The following LYST variants were observed in gnomAD, a reference collection of about 807,000 sequenced individuals.
LYST encodes the protein lysosomal-trafficking regulator.
In LYST, 192 loss-of-function variants were observed where a neutral mutation model predicts 413.6. The ratio of observed to expected loss-of-function variants is 0.46; its 90% CI spans 0.41 to 0.52. LYST has a LOEUF of 0.52. LYST is among the 20% of genes least tolerant of loss of function. The probability of loss-of-function intolerance (pLI) is 0.00; values close to 1 mark genes in which losing one functional copy is unlikely to be tolerated. For missense variants in LYST, 3,815 were observed against 4,499.9 expected, an observed-to-expected ratio of 0.85 and a Z score of 4.35; for synonymous variants, 1,525 against 1,567.3, an observed-to-expected ratio of 0.97 and a Z score of 0.64.
chr1:235,842,594 T>C (rs1402086532), intron 1 of LYST, among the ~76,000 whole-genome samples: 1 of 152,224 alleles, frequency 6.6e-6, no homozygotes, highest in Non-Finnish European at 1.5e-5. Context: ...TTCTACTCAT[T>C]TGCCGAATGA....
chr1:235,837,991 G>A (rs1676750902), intron 1 of LYST, among the ~76,000 whole-genome samples: 1 of 152,098 alleles, frequency 6.6e-6, no homozygotes, highest in Non-Finnish European at 1.5e-5. Context: ...ACAATGAGTA[G>A]GCAAAACGAA....
At chr1:235,682,233 G>C (rs1045615804) in intron 48 of LYST, among the ~76,000 whole-genome samples, 3 of 152,168 alleles carry the variant, frequency 2.0e-5, no homozygotes, top group African/African-American at 7.2e-5. Context: ...GCTGAGGTGG[G>C]AGGACCACTT....
At chr1:235,870,553 A>G (rs1371735041), upstream of LYST, among the ~76,000 whole-genome samples, 1 of 152,234 alleles carries the variant, frequency 6.6e-6, no homozygotes, top group Non-Finnish European at 1.5e-5. Context: ...GTGCTCAATT[A>G]AACTTTAAAT....
At chr1:235,798,728 G>C (rs566224345) in intron 10 of LYST, among the ~76,000 whole-genome samples, 2 of 151,888 alleles carry the variant, frequency 1.3e-5, no homozygotes, top group African/African-American at 2.4e-5. Context: ...ATCATGCTAT[G>C]TGAAAGAAAC....
intron 22 of LYST, 132 bp from the exon 23 acceptor site, chr1:235,759,731 T>C: frequency 1.5e-6 from 1 of 687,658 alleles, no homozygotes; most frequent in South Asian, 1.7e-5. Context: ...AGGTTAATTT[T>C]ACAAGTAACT....
intron 8 of LYST, among the ~76,000 whole-genome samples, chr1:235,802,342 G>A (rs1672338790): frequency 6.6e-6 from 1 of 152,088 alleles, no homozygotes; most frequent in Non-Finnish European, 1.5e-5. Context: ...AGACAAGGGA[G>A]GAAAGGATCA....
chr1:235,747,534 C>CAA (rs141905339), intron 28 of LYST, among the ~76,000 whole-genome samples: 4 of 140,150 alleles, frequency 2.9e-5, no homozygotes, highest in South Asian at 4.6e-4. Context: ...ACTTTTGAGG[C>CAA]AAAAAAAAAA....
rs1660207101 is a variant in LYST at position 235,686,188 on chromosome 1, A to G, written c.10800+761T>C. ...TCGAGACCAGCCTGGCCAACATGGC[A>G]AAACCCCATCTCTACTAAAACTACA... On this transcript the variant is annotated intron_variant, in intron 48 of 52. Coordinates refer to ENST00000389793, the MANE Select transcript of LYST (RefSeq NM_000081.4). This position sits in a 1 kb window ranked among gnomAD's most constrained non-coding sequence, Gnocchi z 4.0. Among the ~76,000 whole-genome samples the G allele has an allele frequency of 6.6e-6, 1 of 151,910 alleles. No individual in the cohort carries two copies.
rs767447517 is a variant in LYST at position 235,687,020 on chromosome 1, T to G, written c.10729A>C (p.Ser3577Arg). Reference protein sequence around the residue: ...QVTSCAWVPDSCQLFTGSKCG... With the variant: ...QVTSCAWVPDRCQLFTGSKCG... The stretch of plus-strand genomic sequence containing the variant: ...TTGCTTCCAGTAAACAGCTGGCAAC[T>G]GTCAGGCACCCAAGCACAACTAGTC... Residue 3577 changes from serine (S) to arginine (R), a missense_variant, in exon 48 of 53, where the codon AGT becomes CGT. Ser to Arg is a moderately radical substitution (Grantham distance 110, BLOSUM62 -1). Transcript: ENST00000389793. 1.2e-6 allele frequency: 2 copies of G among 1,613,980 alleles called. No individual in the cohort carries two copies. The highest frequency in any genetic ancestry group is 1.7e-6 in the Non-Finnish European group (2 of 1,179,904).
intron 1 of LYST, among the ~76,000 whole-genome samples, chr1:235,860,187 CTT>C (rs1288429107): frequency 6.6e-6 from 1 of 152,024 alleles, no homozygotes; most frequent in East Asian, 1.9e-4. Context: ...TAAAAAAAGA[CTT>C]TATTTTTTAG....
chr1:235,830,549 T>G (rs1349205116), intron 2 of LYST, 125 bp from the exon 3 acceptor site: 1 of 747,618 alleles, frequency 1.3e-6, no homozygotes, highest in Non-Finnish European at 2.2e-6. Flanking sequence ...AAATTGGTAC[T>G]TAACCCTATA....
intron 4 of LYST, among the ~76,000 whole-genome samples, chr1:235,811,136 C>T (rs995952564): frequency 6.6e-6 from 1 of 152,142 alleles, no homozygotes; most frequent in Admixed American, 6.5e-5. Context: ...CAGAGTGAGA[C>T]TCTGTCTCAA....
At position 235,757,379 on chromosome 1, in the gene LYST, C is replaced by T; in HGVS notation, c.6961G>A (p.Val2321Ile). Residue 2321 changes from valine (V) to isoleucine (I), a missense_variant, in exon 24 of 53, where the codon GTT becomes ATT. Physicochemically the swap from Val to Ile is conservative, Grantham distance 29. This residue lies in a region of LYST where 771 missense variants were observed against 837.1 expected (regional missense o/e 0.92). Transcript: ENST00000389793. ...TTGTCCATCACATCTTCAAGCAAAA[C>T]ATCAGGCAGGATAAGAAGAACCCCA... The part of the protein sequence containing the change: ...LSGVLLILPD[V>I]LLEDVMDKLI... 1 of 1,613,530 alleles carries T rather than the reference C, an allele frequency of 6.2e-7. No homozygotes were observed. The highest frequency in any genetic ancestry group is 8.5e-7 in the Non-Finnish European group (1 of 1,179,726).
At position 235,774,364 on chromosome 1, in the gene LYST, G is replaced by A. The variant is rs370472890; in HGVS notation, c.5635-373C>T. ...TAAAGAAGTAGGGGTGGAGGCAAGG[G>A]TAGAGCAATCGTCTTTTGCCTTAGT... On this transcript the variant is annotated intron_variant, in intron 18 of 52. Coordinates refer to ENST00000389793, the MANE Select transcript of LYST (RefSeq NM_000081.4). Among the ~76,000 whole-genome samples the A allele has an allele frequency of 2.4e-4, 37 of 152,328 alleles. 1 individual carries two copies. The South Asian group carries it at 5.0e-3, about 20-fold the overall frequency.
chr1:235,865,576 C>G (rs1680419446), intron 1 of LYST, among the ~76,000 whole-genome samples: 1 of 152,136 alleles, frequency 6.6e-6, no homozygotes, highest in Admixed American at 6.5e-5. Context: ...TCCTTATGCC[C>G]TCTCTTCTTC....
chr1:235,791,320 C>A (rs1171114537), intron 12 of LYST, among the ~76,000 whole-genome samples: 1 of 151,720 alleles, frequency 6.6e-6, no homozygotes, highest in African/African-American at 2.4e-5. Flanking sequence ...TGGGGACTGT[C>A]TAATAGGGGC....
At chr1:235,754,079 A>C (rs1345776596) in intron 25 of LYST, among the ~76,000 whole-genome samples, 2 of 152,242 alleles carry the variant, frequency 1.3e-5, no homozygotes, top group South Asian at 2.1e-4. Context: ...GTCAAAACTC[A>C]GCAATCAGTG....
Position 235,813,072 on chromosome 1 carries a change from A to G in LYST, c.193-11T>C. The G allele has an allele frequency of 6.8e-7, 1 of 1,481,476 alleles. No individual in the cohort carries two copies. The highest frequency in any genetic ancestry group is 9.4e-7 in the Non-Finnish European group (1 of 1,059,040). The allele number at this position is 1,481,476 out of a possible 1,614,324, so 91.8% of individuals were successfully genotyped here. On this transcript the variant is annotated splice_polypyrimidine_tract_variant and intron_variant, in intron 3 of 52. Transcript: ENST00000389793. ...TCTACATGTCAATGCCTATGTCAGT[A>G]ACAAAAGAATCCTTCATGTTCTAAG...
rs1572032041 is a variant in LYST at position 235,702,797 on chromosome 1, G to T, written c.10324C>A (p.Gln3442Lys). ...ELPAAVGLLV[Q>K]FAFRETREQV... The stretch of plus-strand genomic sequence containing the variant: ...TCTCGGGTCTCCCTGAAAGCAAACT[G>T]CACTAGCAACCCCACAGCAGCTGGA... The change falls in exon 45 of 53, where the codon CAG (glutamine) becomes AAG (lysine). Residue 3442 changes from glutamine (Q) to lysine (K), a missense_variant. Transcript: ENST00000389793. 6.2e-7 allele frequency: 1 copy of T among 1,614,156 alleles called. No individual in the cohort carries two copies.
Sources: gnomAD v4.1 joint callset for allele counts (sites outside exome capture counted in the v4.1 genomes callset) on GRCh38, gnomAD v4.1.1 for gene constraint, gnomAD v4.1.1 regional missense constraint, Gnocchi (gnomAD v3.1) non-coding constraint, MANE v1.5 for transcripts, NCBI Gene and HGNC (gene_info 2026-07-23, HGNC 2026-07-21) for gene names.